CDKAL1: variants seen among roughly 807,000 people sequenced by gnomAD.
The protein encoded by CDKAL1 is threonylcarbamoyladenosine tRNA methylthiotransferase.
Under a neutral mutation model 68.2 loss-of-function variants are expected in CDKAL1, and 32 were observed. The ratio of observed to expected loss-of-function variants is 0.47; its 90% CI spans 0.35 to 0.63. The LOEUF (loss-of-function observed/expected upper bound fraction) is 0.63. Ranked by LOEUF, CDKAL1 falls within the 30% of genes least tolerant of loss-of-function variation. CDKAL1 has a pLI of 0.00. For synonymous variants in CDKAL1, 234 were observed against 244.3 expected (o/e 0.96, Z 0.39); for missense variants, 606 against 696.7 (o/e 0.87, Z 1.47).
intron 10 of CDKAL1, among the ~76,000 whole-genome samples, chr6:20,999,874 G>GT (rs1421904485): frequency 6.6e-6 from 1 of 152,158 alleles, no homozygotes; most frequent in Non-Finnish European, 1.5e-5. Flanking sequence ...TCCCACAAAT[G>GT]TAACAAGGCA....
At chr6:21,003,603 T>C (rs568016372) in intron 11 of CDKAL1, among the ~76,000 whole-genome samples, 1 of 151,636 alleles carries the variant, frequency 6.6e-6, no homozygotes, top group East Asian at 1.9e-4. Context: ...ATAAATGAAA[T>C]ATTTTAAATA....
intron 10 of CDKAL1, among the ~76,000 whole-genome samples, chr6:20,977,886 AATG>A (rs975171499): frequency 3.3e-5 from 5 of 152,202 alleles, no homozygotes; most frequent in African/African-American, 1.2e-4. Flanking sequence ...TCAAAATATT[AATG>A]ATAATAATAA....
At chr6:20,882,427 C>T (rs1023411394) in intron 9 of CDKAL1, among the ~76,000 whole-genome samples, 6 of 152,200 alleles carry the variant, frequency 3.9e-5, no homozygotes, top group Non-Finnish European at 8.8e-5. Flanking sequence ...ACTCCCATAT[C>T]ATATAACACT....
At chr6:20,672,666 T>C (rs1023085006) in intron 5 of CDKAL1, among the ~76,000 whole-genome samples, 11 of 152,128 alleles carry the variant, frequency 7.2e-5, no homozygotes, top group Non-Finnish European at 1.6e-4. Flanking sequence ...AGTTTTTCTT[T>C]TTAAAGTGTT....
At chr6:20,749,712 TA>T (rs1231866825) in intron 6 of CDKAL1, among the ~76,000 whole-genome samples, 1 of 151,724 alleles carries the variant, frequency 6.6e-6, no homozygotes, top group African/African-American at 2.4e-5. Context: ...CAAGCCTGGC[TA>T]TTTTTTTGTA....
intron 10 of CDKAL1, among the ~76,000 whole-genome samples, chr6:20,982,492 G>T (rs2150776764): frequency 6.6e-6 from 1 of 151,998 alleles, no homozygotes; most frequent in South Asian, 2.1e-4. Context: ...CAACACATTT[G>T]CTCATTGGAA....
chr6:21,003,371 T>TATATACACACAC, intron 11 of CDKAL1, among the ~76,000 whole-genome samples: 1 of 49,308 alleles, frequency 2.0e-5, no homozygotes, highest in Non-Finnish European at 3.4e-5. Flanking sequence ...TATATATATA[T>TATATACACACAC]ACACACACAC....
chr6:20,892,280 G>C lies in CDKAL1; in HGVS notation c.742+46102G>C, dbSNP rs570281622. 3.9e-5 allele frequency among the ~76,000 whole-genome samples: 6 copies of C among 152,292 alleles called. No individual in the cohort carries two copies. In the South Asian group the frequency reaches 1.2e-3, roughly 32 times the overall value. ...AGACTGAAGTGGGGACTCCTTCACAGATGAAAAGAGACTTAAAAGAGAATT... is the reference window on the plus strand; with the variant it reads ...AGACTGAAGTGGGGACTCCTTCACACATGAAAAGAGACTTAAAAGAGAATT... On this transcript the variant is annotated intron_variant, in intron 9 of 15. Coordinates refer to ENST00000274695, the MANE Select transcript of CDKAL1 (RefSeq NM_017774.3).
At chr6:20,574,388 T>C (rs1764831295) in intron 4 of CDKAL1, among the ~76,000 whole-genome samples, 1 of 152,160 alleles carries the variant, frequency 6.6e-6, no homozygotes. Flanking sequence ...GCTATTATGA[T>C]GGAAGGTACC....
At chr6:21,147,869 C>T (rs886927587) in intron 13 of CDKAL1, among the ~76,000 whole-genome samples, 1 of 152,060 alleles carries the variant, frequency 6.6e-6, no homozygotes, top group Non-Finnish European at 1.5e-5. Flanking sequence ...ATTGCTAGTA[C>T]AGCTTAATGC....
At chr6:21,122,412 C>T (rs1774770200) in intron 13 of CDKAL1, among the ~76,000 whole-genome samples, 1 of 152,060 alleles carries the variant, frequency 6.6e-6, no homozygotes, top group Non-Finnish European at 1.5e-5. Context: ...AGAGTATGGG[C>T]TTTAAGAAAG....
At chr6:20,745,341 T>C (rs1246742201) in intron 6 of CDKAL1, among the ~76,000 whole-genome samples, 1 of 152,208 alleles carries the variant, frequency 6.6e-6, no homozygotes, top group Non-Finnish European at 1.5e-5. Context: ...ATTCACAAAG[T>C]GGAGCAGTGT....
chr6:20,997,855 T>C (rs1219206925), intron 10 of CDKAL1, among the ~76,000 whole-genome samples: 1 of 152,068 alleles, frequency 6.6e-6, no homozygotes, highest in African/African-American at 2.4e-5. Context: ...CCATATAAAA[T>C]TGTGATACAG....
At chr6:20,723,693 GTTTT>G (rs1300121338) in intron 5 of CDKAL1, 1 of 153,462 alleles carries the variant, frequency 6.5e-6, no homozygotes, top group Non-Finnish European at 1.5e-5. Context: ...AGAAAAATGA[GTTTT>G]TTTAAGTGTC....
chr6:21,115,944 G>C (rs1202239157), intron 13 of CDKAL1, among the ~76,000 whole-genome samples: 3 of 149,774 alleles, frequency 2.0e-5, no homozygotes, highest in Non-Finnish European at 4.4e-5. Context: ...GCTGTTTCCT[G>C]CTTCAGCAGA....
intron 8 of CDKAL1, among the ~76,000 whole-genome samples, chr6:20,803,408 T>C (rs555378326): frequency 1.1e-3 from 169 of 152,292 alleles, no homozygotes; most frequent in East Asian, 2.7e-3. Flanking sequence ...CAAAACTTTG[T>C]CAAATATCGC....
intron 9 of CDKAL1, among the ~76,000 whole-genome samples, chr6:20,892,345 C>G (rs1303388379): frequency 6.6e-6 from 1 of 152,128 alleles, no homozygotes; most frequent in East Asian, 1.9e-4. Context: ...TTCAAACAAA[C>G]TATTTAAAAC....
At chr6:20,983,575 G>C (rs1363487536) in intron 10 of CDKAL1, among the ~76,000 whole-genome samples, 1 of 152,034 alleles carries the variant, frequency 6.6e-6, no homozygotes, top group Non-Finnish European at 1.5e-5. Context: ...ACAAAAATTA[G>C]CCAGGCATAG....
chr6:20,983,726 T>C (rs1050733921), intron 10 of CDKAL1, among the ~76,000 whole-genome samples: 8 of 152,194 alleles, frequency 5.3e-5, no homozygotes, highest in African/African-American at 1.9e-4. Flanking sequence ...GTCTTAAAAA[T>C]AACCCAAAAA....
Sources: gnomAD v4.1 joint callset for allele counts (sites outside exome capture counted in the v4.1 genomes callset) on GRCh38, gnomAD v4.1.1 for gene constraint, MANE v1.5 for transcripts, NCBI Gene and HGNC (gene_info 2026-07-23, HGNC 2026-07-21) for gene names.